The following TUSC3 variants were observed in gnomAD, a reference collection of about 807,000 sequenced individuals.
TUSC3 encodes the protein tumor suppressor candidate 3.
A neutral mutation model predicts 44.8 loss-of-function variants in TUSC3; 45 were observed. That is an observed-to-expected ratio of 1.00 (90% CI 0.79 to 1.29). The LOEUF is 1.29. Among genes scored for constraint, TUSC3 ranks in the 50% most tolerant of loss-of-function variants. The pLI is 0.00. For synonymous variants in TUSC3, 212 were observed against 152.9 expected, an observed-to-expected ratio of 1.39 and a Z score of -2.85; for missense variants, 519 against 437.9, an observed-to-expected ratio of 1.19 and a Z score of -1.65.
chr8:15,730,834 T>A, intron 7 of TUSC3, 105 bp downstream of exon 7: 1 of 1,106,126 alleles, frequency 9.0e-7, no homozygotes, highest in Non-Finnish European at 1.3e-6. Flanking sequence ...TAAGAGACAT[T>A]AAATTTTAGG....
At chr8:15,769,543 C>A (rs1205005799), downstream of TUSC3, among the ~76,000 whole-genome samples, 1 of 152,120 alleles carries the variant, frequency 6.6e-6, no homozygotes, top group Non-Finnish European at 1.5e-5. Context: ...ACTAAAACAC[C>A]AAAATCAATG....
chr8:15,733,539 A>G (rs1325088986), intron 7 of TUSC3: 5 of 238,788 alleles, frequency 2.1e-5, no homozygotes, highest in African/African-American at 7.0e-5. Flanking sequence ...GATCATTGAC[A>G]TCAAGCTGAG....
At chr8:15,665,509 G>A (rs903547233) in intron 5 of TUSC3, among the ~76,000 whole-genome samples, 2 of 151,156 alleles carry the variant, frequency 1.3e-5, no homozygotes, top group Admixed American at 6.6e-5. Context: ...TATTGTATAT[G>A]ACTTAAAGGT....
intron 9 of TUSC3, among the ~76,000 whole-genome samples, chr8:15,756,024 G>T (rs1585308386): frequency 6.6e-6 from 1 of 152,102 alleles, no homozygotes; most frequent in East Asian, 1.9e-4. Context: ...TAGTAATTCT[G>T]TCACTTTGCT....
At chr8:15,642,806 T>G (rs1221974248) in intron 2 of TUSC3, among the ~76,000 whole-genome samples, 1 of 150,308 alleles carries the variant, frequency 6.7e-6, no homozygotes, top group East Asian at 1.9e-4. Flanking sequence ...TTTAAGATTA[T>G]AAGTGTTATA....
At position 15,657,187 on chromosome 8, in the gene TUSC3, C is replaced by T. The variant is rs1342480220; in HGVS notation, c.427-2320C>T. Reference sequence around the variant, plus strand: ...CCTTAGGCCACATTCTTCATATTCTCTCCTGAACATGTTTTTTATTGTTTA... The same window carrying T: ...CCTTAGGCCACATTCTTCATATTCTTTCCTGAACATGTTTTTTATTGTTTA... On this transcript the variant is annotated intron_variant, in intron 3 of 10. Transcript: ENST00000503731. Among the ~76,000 whole-genome samples the T allele has an allele frequency of 2.0e-5, 3 of 152,342 alleles. No homozygotes were observed. The East Asian group carries it at 5.8e-4, about 29-fold the overall frequency.
intron 1 of TUSC3, among the ~76,000 whole-genome samples, chr8:15,417,626 G>T (rs1799675450): frequency 2.0e-5 from 3 of 152,106 alleles, no homozygotes; most frequent in Non-Finnish European, 4.4e-5. Flanking sequence ...AAGGAGTTAG[G>T]GTAAATATAT....
In TUSC3 at chr8:15,473,316, A is replaced by G. The variant is rs530281651; in HGVS notation, n.92-10070A>G. 1.1e-4 allele frequency among the ~76,000 whole-genome samples: 16 copies of G among 152,324 alleles called. No individual in the cohort carries two copies. In the South Asian group the frequency reaches 2.9e-3, roughly 28 times the overall value. Reference sequence around the variant, plus strand: ...CTTGTGTGTTTACAACACTGCAACAAAAAAATTTCAATTCTTCTGAAAGGA... The same window carrying G: ...CTTGTGTGTTTACAACACTGCAACAGAAAAATTTCAATTCTTCTGAAAGGA... On this transcript the variant is annotated intron_variant and non_coding_transcript_variant, in intron 1 of 5. Transcript: ENST00000503191.
chr8:15,492,089 T>A (rs1314772827), intron 2 of TUSC3, among the ~76,000 whole-genome samples: 1 of 152,202 alleles, frequency 6.6e-6, no homozygotes, highest in African/African-American at 2.4e-5. Context: ...GACTTATTTG[T>A]AAACCATTTG....
At chr8:15,844,079 A>C in the TUSC3 span, among the ~76,000 whole-genome samples, 1 of 152,126 alleles carries the variant, frequency 6.6e-6, no homozygotes, top group African/African-American at 2.4e-5. Flanking sequence ...TCTACCTCTG[A>C]AGGAACAATG....
At chr8:15,649,931 C>T (rs1250311924) in intron 2 of TUSC3, among the ~76,000 whole-genome samples, 1 of 152,102 alleles carries the variant, frequency 6.6e-6, no homozygotes, top group Non-Finnish European at 1.5e-5. Context: ...AATGTTTTAG[C>T]AATAACTTGT....
At chr8:15,638,756 C>T (rs1196272495) in intron 2 of TUSC3, among the ~76,000 whole-genome samples, 3 of 152,120 alleles carry the variant, frequency 2.0e-5, no homozygotes, top group Admixed American at 6.5e-5. Flanking sequence ...AACCTCCCAA[C>T]CTCAAGTGAT....
the TUSC3 span, among the ~76,000 whole-genome samples, chr8:15,846,281 C>A: frequency 1.3e-5 from 2 of 152,116 alleles, no homozygotes; most frequent in Non-Finnish European, 1.5e-5. Context: ...AACACAAGTT[C>A]ACATGCCTCA....
chr8:15,629,826 C>T (rs1805680745), intron 2 of TUSC3, among the ~76,000 whole-genome samples: 4 of 151,322 alleles, frequency 2.6e-5, no homozygotes, highest in Admixed American at 2.0e-4. Context: ...GGTGAATGAG[C>T]TTTTGGCTTC....
the TUSC3 span, among the ~76,000 whole-genome samples, chr8:15,792,853 A>T: frequency 6.6e-6 from 1 of 151,966 alleles, no homozygotes; most frequent in Non-Finnish European, 1.5e-5. Flanking sequence ...TCCTAGTCTC[A>T]AGTTACCCAC....
chr8:15,632,764 C>A (rs1805830449), intron 2 of TUSC3, among the ~76,000 whole-genome samples: 1 of 152,048 alleles, frequency 6.6e-6, no homozygotes, highest in Non-Finnish European at 1.5e-5. Context: ...TTGAGTATTC[C>A]AACTCAAAGA....
At chr8:15,499,060 C>T (rs1220661863) in intron 2 of TUSC3, among the ~76,000 whole-genome samples, 2 of 151,706 alleles carry the variant, frequency 1.3e-5, no homozygotes, top group African/African-American at 4.8e-5. Context: ...CATTCTTCTC[C>T]AACTTGCCCC....
intron 10 of TUSC3, among the ~76,000 whole-genome samples, chr8:15,762,592 G>T (rs1369086069): frequency 6.6e-6 from 1 of 152,022 alleles, no homozygotes; most frequent in African/African-American, 2.4e-5. Flanking sequence ...TTAGTGCTCC[G>T]TAACTTGAAA....
At chr8:15,565,840 G>A (rs1208490151) in intron 1 of TUSC3, among the ~76,000 whole-genome samples, 2 of 152,082 alleles carry the variant, frequency 1.3e-5, no homozygotes, top group Non-Finnish European at 2.9e-5. Context: ...GTGGATGACT[G>A]TGTGGTACAG....
Sources: allele counts gnomAD v4.1 joint callset (sites outside exome capture counted in the v4.1 genomes callset), GRCh38; gene constraint gnomAD v4.1.1; transcripts MANE v1.5; gene names NCBI Gene and HGNC (gene_info 2026-07-23, HGNC 2026-07-21).